KSR2: variants seen among roughly 807,000 people sequenced by gnomAD.
KSR2 encodes the protein kinase suppressor of ras 2.
KSR2 carries 25 observed loss-of-function variants against 107.8 expected under a neutral mutation model. The observed-to-expected ratio is 0.23, with a 90% confidence interval of 0.17 to 0.32. The LOEUF (loss-of-function observed/expected upper bound fraction) is 0.32. KSR2 is among the 10% of genes least tolerant of loss of function. The probability of loss-of-function intolerance (pLI) is 1.00; values close to 1 mark genes in which losing one functional copy is unlikely to be tolerated. For synonymous variants in KSR2, 480 were observed against 507.0 expected (o/e 0.95, Z 0.71); for missense variants, 887 against 1,268.9 (o/e 0.70, Z 4.57).
At chr12:117,935,577 A>G (rs925094110) in intron 1 of KSR2, among the ~76,000 whole-genome samples, 10 of 152,098 alleles carry the variant, frequency 6.6e-5, no homozygotes, top group African/African-American at 1.9e-4. Flanking sequence ...CCCAGCCAAC[A>G]TGGTGAAACC....
chr12:117,830,211 T>C (rs1450660113), intron 3 of KSR2, among the ~76,000 whole-genome samples: 1 of 151,686 alleles, frequency 6.6e-6, no homozygotes, highest in Non-Finnish European at 1.5e-5. Flanking sequence ...GAGGTTGCAG[T>C]GAGCGAAGAT....
At chr12:117,731,396 C>T (rs34410769) in intron 4 of KSR2, among the ~76,000 whole-genome samples, 13,092 of 146,544 alleles carry the variant, frequency 0.089, 693 homozygotes, top group Middle Eastern at 0.15. Flanking sequence ...GCCCAGCAGC[C>T]GCCCCGTCCG....
Position 117,533,931 on chromosome 12 carries a change from C to A in KSR2, c.1688-2224G>T, listed in dbSNP as rs527549819. ...TGGTGACTGAAAGGGAAACATATGACCAGAAGAGGAAGAAAGACATTGTTG... is the reference window on the plus strand; with the variant it reads ...TGGTGACTGAAAGGGAAACATATGAACAGAAGAGGAAGAAAGACATTGTTG... On this transcript the variant is annotated intron_variant, in intron 10 of 19. Coordinates refer to ENST00000339824, the MANE Select transcript of KSR2 (RefSeq NM_173598.6). Among the ~76,000 whole-genome samples, 20 of 152,248 alleles carry A rather than the reference C, an allele frequency of 1.3e-4. No individual in the cohort carries two copies. In the South Asian group the frequency reaches 3.9e-3, roughly 30 times the overall value.
intron 14 of KSR2, among the ~76,000 whole-genome samples, chr12:117,502,511 TGGGGA>T (rs1873441172): frequency 3.3e-5 from 5 of 152,086 alleles, no homozygotes; most frequent in Admixed American, 3.3e-4. Flanking sequence ...AGGAGGGTAG[TGGGGA>T]ATGACTGGTA....
chr12:117,803,697 C>T (rs1035633650), intron 3 of KSR2, among the ~76,000 whole-genome samples: 38 of 151,806 alleles, frequency 2.5e-4, no homozygotes, highest in African/African-American at 9.2e-4. Context: ...AGTGAAACTC[C>T]GTCTCAAAAA....
In KSR2 at chr12:117,944,297, A is replaced by G. The variant is rs1022733348; in HGVS notation, c.180+23779T>C. On this transcript the variant is annotated intron_variant, in intron 1 of 19. Coordinates refer to ENST00000339824, the MANE Select transcript of KSR2 (RefSeq NM_173598.6). ...AGGCTGAGGCAGGAGAATTGCTTGA[A>G]CCCGGGAGACGGAGGTTGCGGTGAG... Among the ~76,000 whole-genome samples, 17 of 151,922 alleles carry G rather than the reference A, an allele frequency of 1.1e-4. 1 individual carries two copies. The highest frequency in any genetic ancestry group is 4.1e-4 in the African/African-American group (17 of 41,344).
chr12:117,636,712 A>G (rs10850869), intron 5 of KSR2, among the ~76,000 whole-genome samples: 25,123 of 152,256 alleles, frequency 0.17, 2,158 homozygotes, highest in Middle Eastern at 0.24. Flanking sequence ...ATTTTAGAAG[A>G]ATATATAGAA....
At chr12:117,886,129 T>A (rs1355395743) in intron 1 of KSR2, among the ~76,000 whole-genome samples, 1 of 151,096 alleles carries the variant, frequency 6.6e-6, no homozygotes, top group South Asian at 2.1e-4. Flanking sequence ...TCTGCACAAG[T>A]ATCTGAAACC....
chr12:117,512,390 T>C (rs929698580), intron 14 of KSR2, among the ~76,000 whole-genome samples: 1 of 152,202 alleles, frequency 6.6e-6, no homozygotes, highest in African/African-American at 2.4e-5. Context: ...CTCAGCTTTT[T>C]CTTTCCCCTA....
In KSR2 at chr12:117,543,238, G is replaced by A. The variant is rs561363158; in HGVS notation, c.1519-3351C>T. On this transcript the variant is annotated intron_variant, in intron 9 of 19. Transcript: ENST00000339824. ...AGAGTAGCTGCACCATTTTACACCAGCAATGTACAAATGATTGATTTTTCT... is the reference window on the plus strand; with the variant it reads ...AGAGTAGCTGCACCATTTTACACCAACAATGTACAAATGATTGATTTTTCT... 3.2e-4 allele frequency among the ~76,000 whole-genome samples: 48 copies of A among 152,316 alleles called. 2 individuals are homozygous for A. The South Asian group carries it at 9.3e-3, about 30-fold the overall frequency.
chr12:117,701,768 T>C (rs1172772126), intron 4 of KSR2, among the ~76,000 whole-genome samples: 2 of 151,978 alleles, frequency 1.3e-5, no homozygotes, highest in South Asian at 2.1e-4. Context: ...GAAGCAGAGA[T>C]TGGAAGGATT....
intron 4 of KSR2, among the ~76,000 whole-genome samples, chr12:117,748,985 G>C (rs896422774): frequency 6.6e-6 from 1 of 151,550 alleles, no homozygotes; most frequent in Non-Finnish European, 1.5e-5. Context: ...AGAACGCACA[G>C]CAGAATGGGC....
At chr12:117,895,092 G>A (rs556796372) in intron 1 of KSR2, among the ~76,000 whole-genome samples, 1 of 151,922 alleles carries the variant, frequency 6.6e-6, no homozygotes, top group South Asian at 2.1e-4. Flanking sequence ...TTAGCCAGGT[G>A]TGGTGGCACA....
At chr12:117,655,779 G>A (rs1884126080) in intron 5 of KSR2, among the ~76,000 whole-genome samples, 1 of 152,144 alleles carries the variant, frequency 6.6e-6, no homozygotes, top group African/African-American at 2.4e-5. Context: ...ATGCTGGCTG[G>A]GGTGAATGAC....
chr12:117,709,861 T>C (rs1477770101), intron 4 of KSR2, among the ~76,000 whole-genome samples: 1 of 152,124 alleles, frequency 6.6e-6, no homozygotes, highest in African/African-American at 2.4e-5. Context: ...CAAAATGGAC[T>C]CCAGACATTG....
intron 5 of KSR2, among the ~76,000 whole-genome samples, chr12:117,622,023 A>C (rs1882227388): frequency 1.3e-5 from 2 of 152,060 alleles, no homozygotes; most frequent in Non-Finnish European, 2.9e-5. Flanking sequence ...CTAAGGAATA[A>C]TCTCAGTGAG....
chr12:117,810,191 A>G (rs1268976500), intron 3 of KSR2, among the ~76,000 whole-genome samples: 1 of 152,084 alleles, frequency 6.6e-6, no homozygotes, highest in Non-Finnish European at 1.5e-5. Context: ...GTTTTGCCTC[A>G]CTGCAGTCAT....
chr12:117,834,234 T>TC (rs1892105707), intron 3 of KSR2, among the ~76,000 whole-genome samples: 1 of 151,852 alleles, frequency 6.6e-6, no homozygotes, highest in South Asian at 2.1e-4. Flanking sequence ...AAAAGGAGTT[T>TC]CAGGTAAATT....
At chr12:117,508,183 A>G (rs1473902297) in intron 14 of KSR2, among the ~76,000 whole-genome samples, 1 of 152,258 alleles carries the variant, frequency 6.6e-6, no homozygotes. Context: ...GCAGTTCACT[A>G]AAATTCCCAT....
Sources: gnomAD v4.1 joint callset for allele counts (sites outside exome capture counted in the v4.1 genomes callset) on GRCh38, gnomAD v4.1.1 for gene constraint, MANE v1.5 for transcripts, NCBI Gene and HGNC (gene_info 2026-07-23, HGNC 2026-07-21) for gene names.